TNKS: variants seen among roughly 807,000 people sequenced by gnomAD.
The protein encoded by TNKS is tankyrase, also known as poly [ADP-ribose] polymerase tankyrase-1.
Under a neutral mutation model 135.8 loss-of-function variants are expected in TNKS, and 72 were observed. That is an observed-to-expected ratio of 0.53 (90% CI 0.44 to 0.64). The LOEUF is 0.64. Ranked by LOEUF, TNKS falls within the 30% of genes least tolerant of loss-of-function variation. TNKS has a pLI of 0.00. For missense variants in TNKS, 1,769 were observed against 1,674.0 expected (o/e 1.06, Z -0.99); for synonymous variants, 849 against 649.3 (o/e 1.31, Z -4.68).
At chr8:9,560,178 A>G (rs1036765964) in intron 1 of TNKS, among the ~76,000 whole-genome samples, 3 of 152,118 alleles carry the variant, frequency 2.0e-5, no homozygotes, top group Non-Finnish European at 2.9e-5. Flanking sequence ...AAGGACCCAT[A>G]TATTCTGAAG....
chr8:9,624,041 A>AAC (rs1554452219), intron 3 of TNKS, among the ~76,000 whole-genome samples: 28 of 151,640 alleles, frequency 1.8e-4, no homozygotes, highest in East Asian at 5.8e-4. Context: ...ACAACAACAA[A>AAC]AAACAACTAA....
intron 17 of TNKS, chr8:9,740,967 G>C (rs977729059): frequency 6.7e-6 from 1 of 150,284 alleles, no homozygotes; most frequent in Non-Finnish European, 1.5e-5. Flanking sequence ...CTGCCACCAC[G>C]CCCAGCTAAT....
rs34982116 is a variant in TNKS at position 9,765,660 on chromosome 8, C to G, written c.3448-32C>G. On this transcript the variant is annotated intron_variant, in intron 23 of 26. Coordinates refer to ENST00000310430, the MANE Select transcript of TNKS (RefSeq NM_003747.3). ...TTTAAATCATAAATGCACGTTTCAC[C>G]GATAATGTTTCTTTCTTCTTCATCC... The G allele has an allele frequency of 5.9e-5, 92 of 1,547,874 alleles. No individual in the cohort carries two copies. The East Asian group carries it at 2.0e-3, about 34-fold the overall frequency.
chr8:9,601,719 A>G (rs898227143), intron 2 of TNKS, among the ~76,000 whole-genome samples: 1 of 152,176 alleles, frequency 6.6e-6, no homozygotes, highest in African/African-American at 2.4e-5. Flanking sequence ...GCTCTATTTG[A>G]TAAAGTCAGT....
intron 1 of TNKS, among the ~76,000 whole-genome samples, chr8:9,565,726 G>A (rs1250657549): frequency 2.0e-5 from 3 of 151,980 alleles, no homozygotes; most frequent in Admixed American, 6.6e-5. Flanking sequence ...GCGTGGTGGC[G>A]GGCGCCTGTT....
chr8:9,666,895 T>C (rs1802023708), intron 3 of TNKS, among the ~76,000 whole-genome samples: 1 of 152,152 alleles, frequency 6.6e-6, no homozygotes, highest in African/African-American at 2.4e-5. Flanking sequence ...TTTGGAGTGA[T>C]CTGTTTTTCA....
intron 3 of TNKS, among the ~76,000 whole-genome samples, chr8:9,617,191 C>T (rs1585235847): frequency 6.6e-6 from 1 of 152,254 alleles, no homozygotes; most frequent in East Asian, 1.9e-4. Flanking sequence ...TAATGAATTT[C>T]AGGGGAGATT....
intron 3 of TNKS, among the ~76,000 whole-genome samples, chr8:9,638,737 T>C (rs1800613882): frequency 6.6e-6 from 1 of 152,020 alleles, no homozygotes; most frequent in Admixed American, 6.6e-5. Flanking sequence ...TTTTGAAAAA[T>C]GTGAGGTAGA....
At chr8:9,751,552 A>C in intron 18 of TNKS, 57 bp from the exon 19 acceptor site, 1 of 1,504,908 alleles carries the variant, frequency 6.6e-7, no homozygotes, top group South Asian at 1.2e-5. Context: ...TCAGTGAAAA[A>C]CTTACCATTT....
intron 2 of TNKS, among the ~76,000 whole-genome samples, chr8:9,603,791 T>C (rs966944440): frequency 2.0e-5 from 3 of 152,132 alleles, no homozygotes; most frequent in African/African-American, 7.2e-5. Context: ...TTATCTTATG[T>C]TCTCAAGAGA....
At chr8:9,564,882 C>T (rs1457200167) in intron 1 of TNKS, among the ~76,000 whole-genome samples, 1 of 152,068 alleles carries the variant, frequency 6.6e-6, no homozygotes, top group Non-Finnish European at 1.5e-5. Flanking sequence ...GAGAAAGAAA[C>T]ATTCAGAAAT....
At chr8:9,569,231 G>A (rs1797668010) in intron 1 of TNKS, among the ~76,000 whole-genome samples, 1 of 152,076 alleles carries the variant, frequency 6.6e-6, no homozygotes, top group South Asian at 2.1e-4. Flanking sequence ...CTCCCTGGAC[G>A]ACATCAGCTA....
chr8:9,637,494 T>C (rs1427727979), intron 3 of TNKS, among the ~76,000 whole-genome samples: 2 of 152,220 alleles, frequency 1.3e-5, no homozygotes, highest in African/African-American at 2.4e-5. Context: ...TGTTGTTTTT[T>C]ATTATTCTAT....
At chr8:9,676,509 C>G (rs1277363601) in intron 3 of TNKS, among the ~76,000 whole-genome samples, 1 of 152,036 alleles carries the variant, frequency 6.6e-6, no homozygotes, top group African/African-American at 2.4e-5. Flanking sequence ...ATGACTTCTC[C>G]TTAGTGATTT....
At chr8:9,580,104 G>A in intron 1 of TNKS, 55 bp from the exon 2 acceptor site, 1 of 1,447,404 alleles carries the variant, frequency 6.9e-7, no homozygotes, top group Non-Finnish European at 9.7e-7. Context: ...ATATTCTAAT[G>A]GTTCTTTTTA....
intron 5 of TNKS, among the ~76,000 whole-genome samples, chr8:9,696,304 G>T (rs898393681): frequency 6.6e-6 from 1 of 152,142 alleles, no homozygotes; most frequent in African/African-American, 2.4e-5. Flanking sequence ...AATAAGGAGT[G>T]TGGTGAACTA....
rs370539656 is a variant in TNKS at position 9,556,397 on chromosome 8, G to T, written c.458G>T (p.Ser153Ile). 2.5e-6 allele frequency: 4 copies of T among 1,614,076 alleles called. No homozygotes were observed. The highest frequency in any genetic ancestry group is 3.4e-6 in the Non-Finnish European group (4 of 1,180,046). The change falls in exon 1 of 27, where the codon AGC (serine) becomes ATC (isoleucine). Residue 153 changes from serine (S) to isoleucine (I), a missense_variant. Transcript: ENST00000310430. ...TCCCCTGGATCGAGCTTGGCGGAGA[G>T]CCCCGAGGCGGCCGGAGTTAGCAGC... ...PSSPGSSLAE[S>I]PEAAGVSSTA...
intron 25 of TNKS, among the ~76,000 whole-genome samples, chr8:9,767,807 A>T (rs1018225579): frequency 6.6e-6 from 1 of 151,902 alleles, no homozygotes; most frequent in African/African-American, 2.4e-5. Flanking sequence ...AAAATACAAA[A>T]AATTAGCCGG....
intron 3 of TNKS, among the ~76,000 whole-genome samples, chr8:9,653,426 C>G (rs959790748): frequency 6.6e-6 from 1 of 151,960 alleles, no homozygotes; most frequent in Non-Finnish European, 1.5e-5. Context: ...ATTTAGCCCA[C>G]AGTTCTGGAG....
Sources: allele counts gnomAD v4.1 joint callset (sites outside exome capture counted in the v4.1 genomes callset), GRCh38; gene constraint gnomAD v4.1.1; transcripts MANE v1.5; gene names NCBI Gene and HGNC (gene_info 2026-07-23, HGNC 2026-07-21).